Variants in ARHGAP44 observed in about 807,000 individuals in gnomAD.
The protein encoded by ARHGAP44 is Rho GTPase activating protein 44.
A neutral mutation model predicts 106.8 loss-of-function variants in ARHGAP44; 43 were observed. The ratio of observed to expected loss-of-function variants is 0.40; its 90% CI spans 0.32 to 0.52. The LOEUF (loss-of-function observed/expected upper bound fraction) is 0.52, where lower values mean the gene tolerates loss of function less well. Ranked by LOEUF, ARHGAP44 falls within the 20% of genes least tolerant of loss-of-function variation. ARHGAP44 has a pLI of 0.48. For missense variants in ARHGAP44, 866 were observed against 1,050.5 expected (o/e 0.82, Z 2.43); for synonymous variants, 439 against 410.3 (o/e 1.07, Z -0.85).
Position 12,916,008 on chromosome 17 carries a change from G to A in ARHGAP44, c.384G>A (p.Ala128=), listed in dbSNP as rs371444790. ...RDVIEPLFLL[A]EVEIPNIQKQ... is the part of the protein sequence containing the mutation. ...TGATTGAGCCCCTGTTTTTGCTGGCGGAGGTAAGCAGCAGGAGTGAGGCCA... is the reference window on the plus strand; with the variant it reads ...TGATTGAGCCCCTGTTTTTGCTGGCAGAGGTAAGCAGCAGGAGTGAGGCCA... Residue 128 remains alanine (A), a synonymous_variant, in exon 5 of 21, where the codon GCG becomes GCA. Coordinates refer to ENST00000379672, the MANE Select transcript of ARHGAP44 (RefSeq NM_014859.6). The A allele has an allele frequency of 2.4e-5, 39 of 1,613,608 alleles. No individual in the cohort carries two copies. Among genetic ancestry groups the A allele is most frequent in the Middle Eastern group, 3.3e-4 (2 of 6,062 alleles).
At chr17:12,984,404 G>A in intron 19 of ARHGAP44, 127 bp from the exon 20 acceptor site, 1 of 1,016,256 alleles carries the variant, frequency 9.8e-7, no homozygotes, top group Non-Finnish European at 1.3e-6. Flanking sequence ...GCAGGGAGGT[G>A]TGGGTGGGTG....
At position 12,955,809 on chromosome 17, in the gene ARHGAP44, G is replaced by GC. The variant is rs1365295242; in HGVS notation, c.1137-58_1137-57insC. On this transcript the variant is annotated intron_variant, in intron 13 of 20. Transcript: ENST00000379672. The stretch of plus-strand genomic sequence containing the variant: ...TGAGAGAAGCTTCTGTCCAGTCCCC[G>GC]GGGGACATGGCTGGTGTTGAGCCTT... The GC allele has an allele frequency of 3.0e-6, 3 of 1,012,660 alleles. No homozygotes were observed. In the South Asian group the frequency reaches 4.2e-5, roughly 14 times the overall value. 62.7% of individuals were successfully genotyped at this position (1,012,660 alleles called of 1,614,324 possible).
intron 6 of ARHGAP44, among the ~76,000 whole-genome samples, chr17:12,921,619 T>G (rs1326500282): frequency 3.3e-5 from 5 of 152,194 alleles, no homozygotes; most frequent in Admixed American, 3.3e-4. Flanking sequence ...TTTCATTTTC[T>G]TGAAATAAAG....
chr17:12,978,056 A>AAAAAAAAAAAAT (rs71144940), intron 18 of ARHGAP44, among the ~76,000 whole-genome samples: 1 of 149,108 alleles, frequency 6.7e-6, no homozygotes, highest in African/African-American at 2.5e-5. Context: ...AAAAAAAAAA[A>AAAAAAAAAAAAT]GTGTGTTTCG....
chr17:12,798,700 TG>T lies in ARHGAP44; in HGVS notation c.53+8810del, dbSNP rs111530320. ...TTCAACATTCATAAATGAAAGCATT[TG>T]ATTTTTTTCCCCCATATCTGTCATG... On this transcript the variant is annotated intron_variant, in intron 1 of 20. Transcript: ENST00000379672. Among the ~76,000 whole-genome samples the T allele has an allele frequency of 1.2e-3, 179 of 149,554 alleles. 1 individual carries two copies. The highest frequency in any genetic ancestry group is 4.3e-3 in the African/African-American group (173 of 40,282).
intron 15 of ARHGAP44, 118 bp downstream of exon 15, chr17:12,956,864 T>TG: frequency 7.4e-6 from 5 of 676,010 alleles, no homozygotes; most frequent in Non-Finnish European, 1.2e-5. Flanking sequence ...GATTCCCCTA[T>TG]AAACACACAC....
chr17:12,864,269 C>T (rs1423404133), intron 1 of ARHGAP44, among the ~76,000 whole-genome samples: 1 of 152,124 alleles, frequency 6.6e-6, no homozygotes, highest in Non-Finnish European at 1.5e-5. Flanking sequence ...CTTAGTTTTT[C>T]ATTTGTGTGT....
At chr17:12,918,462 A>G (rs1041630278) in intron 5 of ARHGAP44, among the ~76,000 whole-genome samples, 7 of 152,140 alleles carry the variant, frequency 4.6e-5, no homozygotes, top group Non-Finnish European at 8.8e-5. Context: ...CTGGGCCCGG[A>G]ACCAAAATCC....
At chr17:12,900,831 TAGC>T (rs1468244433) in intron 3 of ARHGAP44, among the ~76,000 whole-genome samples, 1 of 150,584 alleles carries the variant, frequency 6.6e-6, no homozygotes, top group African/African-American at 2.4e-5. Flanking sequence ...AGGTGAAAGG[TAGC>T]AGCACCAAAA....
intron 1 of ARHGAP44, among the ~76,000 whole-genome samples, chr17:12,817,524 A>G (rs2150789962): frequency 6.6e-6 from 1 of 152,166 alleles, no homozygotes; most frequent in South Asian, 2.1e-4. Context: ...AGAAGTAATA[A>G]AGAGATGAGT....
chr17:12,815,879 G>T (rs1194922349), intron 1 of ARHGAP44, among the ~76,000 whole-genome samples: 1 of 152,168 alleles, frequency 6.6e-6, no homozygotes, highest in Non-Finnish European at 1.5e-5. Flanking sequence ...AGAGAGTTGG[G>T]AATAGATGTT....
At chr17:12,955,785 G>A in intron 13 of ARHGAP44, 82 bp from the exon 14 acceptor site, 1 of 773,626 alleles carries the variant, frequency 1.3e-6, no homozygotes, top group Non-Finnish European at 2.2e-6. Context: ...TATGTGACAT[G>A]AGAGAAGCTT....
chr17:12,859,591 ATATTTCC>A (rs2036008231), intron 1 of ARHGAP44, among the ~76,000 whole-genome samples: 1 of 152,114 alleles, frequency 6.6e-6, no homozygotes, highest in African/African-American at 2.4e-5. Context: ...TTCTCTCTTA[ATATTTCC>A]TGAGATGTCT....
chr17:12,828,456 C>T (rs1435545349), intron 1 of ARHGAP44, among the ~76,000 whole-genome samples: 1 of 151,944 alleles, frequency 6.6e-6, no homozygotes, highest in Admixed American at 6.6e-5. Context: ...TTTCTGCATC[C>T]ATTGAGATAA....
At chr17:12,948,030 T>C (rs1188890842) in intron 10 of ARHGAP44, among the ~76,000 whole-genome samples, 1 of 152,358 alleles carries the variant, frequency 6.6e-6, no homozygotes, top group East Asian at 1.9e-4. Flanking sequence ...GAGTAAGGAC[T>C]GTTCTGCCTG....
chr17:12,952,453 C>T (rs955946463), intron 12 of ARHGAP44, 48 bp from the exon 13 acceptor site: 2 of 1,398,358 alleles, frequency 1.4e-6, no homozygotes, highest in Non-Finnish European at 9.9e-7. Flanking sequence ...TCCGATGAGA[C>T]TTTATTGATT....
At chr17:12,889,135 T>C (rs1057438540) in intron 1 of ARHGAP44, among the ~76,000 whole-genome samples, 4 of 152,234 alleles carry the variant, frequency 2.6e-5, no homozygotes, top group Admixed American at 2.6e-4. Context: ...CTGTTCTTTC[T>C]GTTTTTCATT....
intron 3 of ARHGAP44, among the ~76,000 whole-genome samples, chr17:12,897,862 C>T (rs2037260041): frequency 6.6e-6 from 1 of 151,986 alleles, no homozygotes; most frequent in Non-Finnish European, 1.5e-5. Context: ...TTAGTACTAA[C>T]ATTATTTTTC....
At chr17:12,829,256 A>G (rs2035018300) in intron 1 of ARHGAP44, among the ~76,000 whole-genome samples, 2 of 151,940 alleles carry the variant, frequency 1.3e-5, no homozygotes, top group South Asian at 4.1e-4. Context: ...TTTCTATTTC[A>G]GCATGTTTCT....
Sources: allele counts gnomAD v4.1 joint callset (sites outside exome capture counted in the v4.1 genomes callset), GRCh38; gene constraint gnomAD v4.1.1; transcripts MANE v1.5; gene names NCBI Gene and HGNC (gene_info 2026-07-23, HGNC 2026-07-21).